Variants in USP32 observed in about 807,000 individuals in gnomAD.
The protein encoded by USP32 is ubiquitin specific peptidase 32, also known as ubiquitin carboxyl-terminal hydrolase 32.
USP32 carries 59 observed loss-of-function variants against 204.8 expected under a neutral mutation model. The ratio of observed to expected loss-of-function variants is 0.29; its 90% confidence interval spans 0.23 to 0.36. The LOEUF (loss-of-function observed/expected upper bound fraction) is 0.36, where lower values mean the gene tolerates loss of function less well. USP32 is among the 10% of genes least tolerant of loss of function. The pLI is 1.00. For synonymous variants in USP32, 517 were observed against 678.4 expected (o/e 0.76, Z 3.70); for missense variants, 1,160 against 1,946.4 (o/e 0.60, Z 7.60).
chr17:60,357,480 A>C (rs1180851394), intron 1 of USP32, among the ~76,000 whole-genome samples: 3 of 151,918 alleles, frequency 2.0e-5, no homozygotes, highest in Non-Finnish European at 4.4e-5. Flanking sequence ...TATATATATG[A>C]TATGTAGACC....
chr17:60,363,320 C>T (rs1003787561), intron 1 of USP32, among the ~76,000 whole-genome samples: 5 of 151,004 alleles, frequency 3.3e-5, no homozygotes, highest in East Asian at 2.0e-4. Context: ...CTGGGCGTAG[C>T]GGCGTGCACC....
intron 1 of USP32, among the ~76,000 whole-genome samples, chr17:60,359,333 C>T (rs1336522544): frequency 6.6e-6 from 1 of 152,026 alleles, no homozygotes; most frequent in Non-Finnish European, 1.5e-5. Context: ...AAGAAACTGC[C>T]TTATTTATAT....
chr17:60,272,497 C>T (rs114977359), intron 5 of USP32, among the ~76,000 whole-genome samples: 87 of 152,304 alleles, frequency 5.7e-4, no homozygotes, highest in African/African-American at 1.8e-3. Context: ...AACACAGGAA[C>T]CAAAGTGATC....
chr17:60,228,501 CTTTTT>C (rs1018176786), intron 12 of USP32, among the ~76,000 whole-genome samples: 14 of 104,118 alleles, frequency 1.3e-4, no homozygotes, highest in African/African-American at 5.7e-4. Context: ...TTTTCTTTTT[CTTTTT>C]TTTTTTTTTT....
chr17:60,350,849 C>T (rs1165485914), intron 1 of USP32, among the ~76,000 whole-genome samples: 1 of 152,060 alleles, frequency 6.6e-6, no homozygotes, highest in Non-Finnish European at 1.5e-5. Context: ...CCACTGCACA[C>T]TTCATCCACG....
chr17:60,254,322 A>C (rs1479447036), intron 10 of USP32, among the ~76,000 whole-genome samples: 3 of 152,194 alleles, frequency 2.0e-5, no homozygotes, highest in African/African-American at 7.2e-5. Context: ...CTTCCCACTT[A>C]ATCTTTTTTG....
rs185712343 is a variant in USP32, at chr17:60,178,429, G to A, written c.*826C>T. Among the ~76,000 whole-genome samples, 1 of 152,336 alleles carries A rather than the reference G, an allele frequency of 6.6e-6. No individual in the cohort carries two copies. Among genetic ancestry groups the A allele is most frequent in the African/African-American group, 2.4e-5 (1 of 41,572 alleles). On this transcript the variant is annotated 3_prime_UTR_variant, in exon 34 of 34. Coordinates refer to ENST00000300896, the MANE Select transcript of USP32 (RefSeq NM_032582.4). The stretch of plus-strand genomic sequence containing the variant: ...GCAACTGCTCCCCTTCCCTCAGCAT[G>A]GGTGGGGCCGGGGGTGCAGAATACA...
At chr17:60,249,489 C>T (rs2086114761) in intron 11 of USP32, 3 of 458,678 alleles carry the variant, frequency 6.5e-6, no homozygotes, top group East Asian at 3.8e-5. Context: ...GTATTTTATC[C>T]CCAAGCTGGT....
At chr17:60,337,730 G>T (rs1057359232) in intron 2 of USP32, among the ~76,000 whole-genome samples, 2 of 151,998 alleles carry the variant, frequency 1.3e-5, no homozygotes, top group Non-Finnish European at 2.9e-5. Context: ...TAAATAAACT[G>T]ATTAACTGGG....
chr17:60,321,700 T>G (rs2088115806), intron 2 of USP32, among the ~76,000 whole-genome samples: 1 of 151,994 alleles, frequency 6.6e-6, no homozygotes, highest in African/African-American at 2.4e-5. Context: ...CAAATGAAAA[T>G]TTTACAATGA....
chr17:60,223,591 A>G lies in USP32; in HGVS notation c.1433-5T>C. The G allele has an allele frequency of 2.3e-6, 3 of 1,301,768 alleles. No individual in the cohort carries two copies. Among genetic ancestry groups the G allele is most frequent in the Non-Finnish European group, 3.1e-6 (3 of 954,844 alleles). 80.6% of individuals were successfully genotyped at this position (1,301,768 alleles called of 1,614,324 possible). A position where few individuals can be genotyped will look rare whatever the true frequency, so the allele number is the denominator to read the frequency against. ...GTGTGGCAGAATACAGAAAGCCTAT[A>G]AAAAAAAAAGAGGATAGAATCTCTT... On this transcript the variant is annotated splice_polypyrimidine_tract_variant and splice_region_variant and intron_variant, in intron 13 of 33. Coordinates refer to ENST00000300896, the MANE Select transcript of USP32 (RefSeq NM_032582.4).
rs938632793 is a variant in USP32, at chr17:60,228,569, C to T, written c.1240-2338G>A. 6.8e-5 allele frequency among the ~76,000 whole-genome samples: 10 copies of T among 147,564 alleles called. No homozygotes were observed. In the Admixed American group the frequency reaches 6.8e-4, roughly 10 times the overall value. On this transcript the variant is annotated intron_variant, in intron 12 of 33. Coordinates refer to ENST00000300896, the MANE Select transcript of USP32 (RefSeq NM_032582.4). Reference sequence around the variant, plus strand: ...TGGTGGCTCATGTCTGTAATCCCTGCACTTTGGGAGCCAAGGTGGCTGGAT... The same window carrying T: ...TGGTGGCTCATGTCTGTAATCCCTGTACTTTGGGAGCCAAGGTGGCTGGAT...
At chr17:60,422,189 C>G in intron 1 of USP32, 1 of 283,394 alleles carries the variant, frequency 3.5e-6, no homozygotes, top group Non-Finnish European at 6.6e-6. Context: ...CCCACCACGG[C>G]GTAACCCAGC....
intron 1 of USP32, among the ~76,000 whole-genome samples, chr17:60,368,999 T>TAAGCCAGGCATGGTGACATCTGCC (rs1392707594): frequency 1.5e-5 from 2 of 130,800 alleles, no homozygotes; most frequent in African/African-American, 8.1e-5. Flanking sequence ...AGATTTTTTT[T>TAAGCCAGGCATGGTGACATCTGCC]TTTTTTTTTT....
chr17:60,224,578 A>C (rs1260689191), intron 13 of USP32, among the ~76,000 whole-genome samples: 1 of 152,226 alleles, frequency 6.6e-6, no homozygotes, highest in East Asian at 1.9e-4. Flanking sequence ...TGAAGCCAGA[A>C]GACTGCAACC....
At chr17:60,179,749 C>T (rs1012852205) in intron 33 of USP32, among the ~76,000 whole-genome samples, 2 of 152,252 alleles carry the variant, frequency 1.3e-5, no homozygotes, top group Non-Finnish European at 2.9e-5. Flanking sequence ...CAGCTCACTG[C>T]AACCTCTGCC....
intron 1 of USP32, among the ~76,000 whole-genome samples, chr17:60,357,985 T>A (rs2089124891): frequency 6.6e-6 from 1 of 151,840 alleles, no homozygotes. Flanking sequence ...GTCAGGCTGG[T>A]CTCGAACTCC....
intron 11 of USP32, among the ~76,000 whole-genome samples, chr17:60,241,859 A>C (rs1598125701): frequency 6.6e-6 from 1 of 152,052 alleles, no homozygotes; most frequent in African/African-American, 2.4e-5. Flanking sequence ...TGAAACTCAA[A>C]CGTTTTTAAT....
At position 60,271,244 on chromosome 17, in the gene USP32, A is replaced by C. The variant is rs1251554005; in HGVS notation, c.703+106T>G. 3 of 1,419,424 alleles carry C rather than the reference A, an allele frequency of 2.1e-6. No homozygotes were observed. The African/African-American group carries it at 4.3e-5, about 20-fold the overall frequency. The allele number at this position is 1,419,424 out of a possible 1,614,324, so 87.9% of individuals were successfully genotyped here. A position where few individuals can be genotyped will look rare whatever the true frequency, so the allele number is the denominator to read the frequency against. On this transcript the variant is annotated intron_variant, in intron 6 of 33. Coordinates refer to ENST00000300896, the MANE Select transcript of USP32 (RefSeq NM_032582.4). ...TCCCCACTCCATTAAACCTGCAAACATATGAGAAGATGGTTTCTTAGAGTT... is the reference window on the plus strand; with the variant it reads ...TCCCCACTCCATTAAACCTGCAAACCTATGAGAAGATGGTTTCTTAGAGTT...
Sources: gnomAD v4.1 joint callset for allele counts (sites outside exome capture counted in the v4.1 genomes callset) on GRCh38, gnomAD v4.1.1 for gene constraint, MANE v1.5 for transcripts, NCBI Gene and HGNC (gene_info 2026-07-23, HGNC 2026-07-21) for gene names.